The following ABCG4 variants were observed in gnomAD, a reference collection of about 807,000 sequenced individuals.
ABCG4 encodes the protein ATP binding cassette subfamily G member 4.
A neutral mutation model predicts 64.6 loss-of-function variants in ABCG4; 35 were observed. The ratio of observed to expected loss-of-function variants is 0.54; its 90% CI spans 0.41 to 0.72. The LOEUF is 0.72. Ranked by LOEUF, ABCG4 falls within the 30% of genes least tolerant of loss-of-function variation. The probability of loss-of-function intolerance (pLI) is 0.00; values close to 1 mark genes in which losing one functional copy is unlikely to be tolerated. For synonymous variants in ABCG4, 326 were observed against 348.2 expected (o/e 0.94, Z 0.71); for missense variants, 610 against 846.3 (o/e 0.72, Z 3.46).
chr11:119,158,886 A>T lies in ABCG4; in HGVS notation c.1394A>T (p.Lys465Ile). 1 of 1,614,166 alleles carries T rather than the reference A, an allele frequency of 6.2e-7. No homozygotes were observed. Among genetic ancestry groups the T allele is most frequent in the Non-Finnish European group, 8.5e-7 (1 of 1,180,032 alleles). Residue 465 changes from lysine to isoleucine, a missense_variant, in exon 12 of 15, where the codon AAA (lysine) becomes ATA (isoleucine). Physicochemically the swap from Lys to Ile is moderately radical, Grantham distance 102. Transcript: ENST00000619701. The surrounding 1 kb of genome is among the most constrained non-coding windows in gnomAD (Gnocchi z 4.5). ...CACCTCAACTACTGGTACAGCCTCA[A>T]AGCGTATTACCTGGCCAAGACCATG... ...REHLNYWYSL[K>I]AYYLAKTMAD...
At chr11:119,157,672 C>A (rs1948283430) in intron 9 of ABCG4, among the ~76,000 whole-genome samples, 1 of 152,182 alleles carries the variant, frequency 6.6e-6, no homozygotes, top group African/African-American at 2.4e-5. Context: ...TGGAGACCAT[C>A]CTGGCTAACA....
chr11:119,156,344 C>T lies in ABCG4; in HGVS notation c.702C>T (p.Ala234=). ...FDEPTSGLDS[A]SCFQVVSLMK... is the part of the protein sequence containing the mutation. ...CTCTGGACAGTGGTCTGGATAGCGC[C>T]TCTTGTTTCCAAGTGGTGTCCCTCA... The change falls in exon 7 of 15, where the codon GCC becomes GCT. Residue 234 remains alanine (A), a synonymous_variant. Coordinates refer to ENST00000619701, the MANE Select transcript of ABCG4 (RefSeq NM_022169.5). This position sits in a 1 kb window ranked among gnomAD's most constrained non-coding sequence, Gnocchi z 5.5. The T allele has an allele frequency of 6.2e-7, 1 of 1,614,208 alleles. No individual in the cohort carries two copies. Among genetic ancestry groups the T allele is most frequent in the African/African-American group, 1.3e-5 (1 of 75,044 alleles).
At position 119,156,197 on chromosome 11, in the gene ABCG4, G is replaced by A. The variant is rs145389543; in HGVS notation, c.687-132G>A. ...CCCTCCAAGTGCCTGAACCGTAAAG[G>A]ATACAGATGCGGCCAGAGTGCCCTC... On this transcript the variant is annotated intron_variant, in intron 6 of 14. Transcript: ENST00000619701. The surrounding 1 kb of genome is among the most constrained non-coding windows in gnomAD (Gnocchi z 5.5). 25 of 1,240,324 alleles carry A rather than the reference G, an allele frequency of 2.0e-5. No homozygotes were observed. The East Asian group carries it at 5.4e-4, about 27-fold the overall frequency. The allele number at this position is 1,240,324 out of a possible 1,614,324, so 76.8% of individuals were successfully genotyped here.
chr11:119,160,707 C>A lies in ABCG4; in HGVS notation c.1715+51C>A, dbSNP rs1413102864. 7 of 1,547,302 alleles carry A rather than the reference C, an allele frequency of 4.5e-6. No individual in the cohort carries two copies. The African/African-American group carries it at 9.5e-5, about 21-fold the overall frequency. On this transcript the variant is annotated intron_variant, in intron 14 of 14. Transcript: ENST00000619701. This position sits in a 1 kb window ranked among gnomAD's most constrained non-coding sequence, Gnocchi z 4.6. ...GCCTCTGCTCCTCCCTGGAGGAGTC[C>A]ATACCCAGGGCTTCCTGGGTTGTGC...
chr11:119,160,304 C>T lies in ABCG4; in HGVS notation c.1515C>T (p.Leu505=), dbSNP rs148176280. The change falls in exon 13 of 15, where the codon CTC becomes CTT. Residue 505 remains leucine (L), a synonymous_variant. Transcript: ENST00000619701. This position sits in a 1 kb window ranked among gnomAD's most constrained non-coding sequence, Gnocchi z 4.6. The part of the protein sequence containing the change: ...GQPAETSRFL[L]FSALATATAL... The stretch of plus-strand genomic sequence containing the variant: ...CCGCTGAGACCAGCCGCTTCCTGCT[C>T]TTCTCAGCCCTGGCCACCGCCACCG... The T allele has an allele frequency of 1.9e-6, 3 of 1,613,882 alleles. No individual in the cohort carries two copies. Among genetic ancestry groups the T allele is most frequent in the Non-Finnish European group, 2.5e-6 (3 of 1,179,820 alleles).
chr11:119,159,087 G>A (rs1948309848), intron 12 of ABCG4, among the ~76,000 whole-genome samples, 158 bp downstream of exon 12: 1 of 152,208 alleles, frequency 6.6e-6, no homozygotes, highest in African/African-American at 2.4e-5. Flanking sequence ...CCCAGGCTCT[G>A]TACCAGGCCC....
Position 119,149,866 on chromosome 11 carries a change from G to T in ABCG4, c.-12-88G>T. On this transcript the variant is annotated intron_variant, in intron 1 of 14. Transcript: ENST00000619701. The surrounding 1 kb of genome is among the most constrained non-coding windows in gnomAD (Gnocchi z 8.3). The stretch of plus-strand genomic sequence containing the variant: ...ATCTGCCCCGAGAAGGAGGTGGGCA[G>T]TGGGGGCGGGGGAAGCATTAGAACG... The T allele has an allele frequency of 1.3e-6, 2 of 1,488,306 alleles. No homozygotes were observed. Among genetic ancestry groups the T allele is most frequent in the Non-Finnish European group, 1.8e-6 (2 of 1,122,594 alleles). The allele number at this position is 1,488,306 out of a possible 1,614,324, so 92.2% of individuals were successfully genotyped here.
chr11:119,160,496 G>C lies in ABCG4; in HGVS notation c.1597-42G>C, dbSNP rs1036209406. On this transcript the variant is annotated intron_variant, in intron 13 of 14. Transcript: ENST00000619701. The surrounding 1 kb of genome is among the most constrained non-coding windows in gnomAD (Gnocchi z 4.6). ...GCTCTAGGAAACCTGGGTTTGTCCTGGTCACCCCTATGATGGCCTGGCCCC... is the reference window on the plus strand; with the variant it reads ...GCTCTAGGAAACCTGGGTTTGTCCTCGTCACCCCTATGATGGCCTGGCCCC... 4.4e-6 allele frequency: 7 copies of C among 1,608,230 alleles called. No homozygotes were observed. In the South Asian group the frequency reaches 7.7e-5, roughly 18 times the overall value.
At position 119,150,409 on chromosome 11, in the gene ABCG4, T is replaced by C. The variant is rs1948180539; in HGVS notation, c.238+206T>C. Among the ~76,000 whole-genome samples the C allele has an allele frequency of 6.6e-6, 1 of 152,174 alleles. No individual in the cohort carries two copies. The highest frequency in any genetic ancestry group is 1.5e-5 in the Non-Finnish European group (1 of 68,008). ...CCCCACACCTGTGAGCACCATGGGA[T>C]ACTAGGTGCAATTGGTTATTGAAGC... On this transcript the variant is annotated intron_variant, in intron 2 of 14. Transcript: ENST00000619701. The surrounding 1 kb of genome is among the most constrained non-coding windows in gnomAD (Gnocchi z 4.3).
chr11:119,154,723 G>A lies in ABCG4; in HGVS notation c.541-47G>A. Reference sequence around the variant, plus strand: ...TTTGAAGCTGGGGTGGTGCCTGGGGGAAGCAGAGACTCCGAAGCTGACCTG... The same window carrying A: ...TTTGAAGCTGGGGTGGTGCCTGGGGAAAGCAGAGACTCCGAAGCTGACCTG... On this transcript the variant is annotated intron_variant, in intron 5 of 14. Coordinates refer to ENST00000619701, the MANE Select transcript of ABCG4 (RefSeq NM_022169.5). This position sits in a 1 kb window ranked among gnomAD's most constrained non-coding sequence, Gnocchi z 7.0. The A allele has an allele frequency of 6.3e-7, 1 of 1,592,716 alleles. No homozygotes were observed. The highest frequency in any genetic ancestry group is 1.3e-5 in the African/African-American group (1 of 74,646).
At position 119,160,403 on chromosome 11, in the gene ABCG4, T is replaced by A. The variant is rs779570245; in HGVS notation, c.1596+18T>A. 1 of 1,603,840 alleles carries A rather than the reference T, an allele frequency of 6.2e-7. No homozygotes were observed. The highest frequency in any genetic ancestry group is 8.5e-7 in the Non-Finnish European group (1 of 1,171,926). On this transcript the variant is annotated intron_variant, in intron 13 of 14. Coordinates refer to ENST00000619701, the MANE Select transcript of ABCG4 (RefSeq NM_022169.5). The surrounding 1 kb of genome is among the most constrained non-coding windows in gnomAD (Gnocchi z 4.6). ...CCCTACAGGTGGGAGGGCTGGCAGT[T>A]GGGAATTCCCAAGGCGGGATGAGGT...
In ABCG4 at chr11:119,155,038, G is replaced by A; in HGVS notation, c.686+123G>A. 7.3e-7 allele frequency: 1 copy of A among 1,378,110 alleles called. No homozygotes were observed. The highest frequency in any genetic ancestry group is 9.8e-7 in the Non-Finnish European group (1 of 1,016,034). 85.4% of individuals were successfully genotyped at this position (1,378,110 alleles called of 1,614,324 possible). On this transcript the variant is annotated intron_variant, in intron 6 of 14. Coordinates refer to ENST00000619701, the MANE Select transcript of ABCG4 (RefSeq NM_022169.5). This position sits in a 1 kb window ranked among gnomAD's most constrained non-coding sequence, Gnocchi z 4.5. ...TCACAGCCTCCTGGGGCCAAGATAA[G>A]GGCTTCTTCCTCATCTCCACCCTTG...
rs1948271260 is a variant in ABCG4 at position 119,156,763 on chromosome 11, G to T, written c.925+85G>T. On this transcript the variant is annotated intron_variant, in intron 8 of 14. Coordinates refer to ENST00000619701, the MANE Select transcript of ABCG4 (RefSeq NM_022169.5). This position sits in a 1 kb window ranked among gnomAD's most constrained non-coding sequence, Gnocchi z 5.5. ...TGGTCTTGCACTCAGGCCTCCTAGG[G>T]GTAGAGATCTCACCGTCGCCTGCCT... 2 of 1,589,880 alleles carry T rather than the reference G, an allele frequency of 1.3e-6. No homozygotes were observed. The highest frequency in any genetic ancestry group is 1.7e-6 in the Non-Finnish European group (2 of 1,159,880).
chr11:119,150,332 G>T lies in ABCG4; in HGVS notation c.238+129G>T. 2 of 1,342,936 alleles carry T rather than the reference G, an allele frequency of 1.5e-6. No homozygotes were observed. Among genetic ancestry groups the T allele is most frequent in the South Asian group, 1.4e-5 (1 of 72,102 alleles). The allele number at this position is 1,342,936 out of a possible 1,614,324, so 83.2% of individuals were successfully genotyped here. ...GGCTCTGTGGAAACACTAAAATCTG[G>T]GCCCCAGCCCGTTGCTCACTGTGCA... On this transcript the variant is annotated intron_variant, in intron 2 of 14. Transcript: ENST00000619701. The surrounding 1 kb of genome is among the most constrained non-coding windows in gnomAD (Gnocchi z 4.3).
Position 119,150,916 on chromosome 11 carries a change from A to G in ABCG4, c.238+713A>G, listed in dbSNP as rs574187707. ...TGCAGCCCCTACCCTGAGCAGCTTT[A>G]GCTGCTAGTAGGGAAGCTGAGGCTG... On this transcript the variant is annotated intron_variant, in intron 2 of 14. Transcript: ENST00000619701. This position sits in a 1 kb window ranked among gnomAD's most constrained non-coding sequence, Gnocchi z 4.3. 2.0e-5 allele frequency among the ~76,000 whole-genome samples: 3 copies of G among 152,330 alleles called. No individual in the cohort carries two copies. Among genetic ancestry groups the G allele is most frequent in the Non-Finnish European group, 4.4e-5 (3 of 68,030 alleles).
rs376368836 is a variant in ABCG4 at position 119,156,561 on chromosome 11, C to T, written c.811-3C>T. Reference sequence around the variant, plus strand: ...CTTCCTTACCCTTCTCTTTCTGCTGCAGCTCTACATCCTGAGCCAGGGTCA... The same window carrying T: ...CTTCCTTACCCTTCTCTTTCTGCTGTAGCTCTACATCCTGAGCCAGGGTCA... On this transcript the variant is annotated splice_polypyrimidine_tract_variant and splice_region_variant and intron_variant, in intron 7 of 14. Transcript: ENST00000619701. The surrounding 1 kb of genome is among the most constrained non-coding windows in gnomAD (Gnocchi z 5.5). 5.3e-5 allele frequency: 86 copies of T among 1,614,146 alleles called. No homozygotes were observed. In the African/African-American group the frequency reaches 1.1e-3, roughly 20 times the overall value.
chr11:119,154,814 C>A lies in ABCG4; in HGVS notation c.585C>A (p.His195Gln). The A allele has an allele frequency of 6.2e-7, 1 of 1,613,848 alleles. No individual in the cohort carries two copies. The highest frequency in any genetic ancestry group is 1.7e-5 in the Admixed American group (1 of 60,024). ...LTALGLMSCS[H>Q]TRTALLSGGQ... Reference sequence around the variant, plus strand: ...CACTGGGCCTGATGTCGTGCTCCCACACGAGGACAGCCCTGCTCTCTGGCG... The same window carrying A: ...CACTGGGCCTGATGTCGTGCTCCCAAACGAGGACAGCCCTGCTCTCTGGCG... The change falls in exon 6 of 15, where the codon CAC (histidine) becomes CAA (glutamine). Residue 195 changes from histidine to glutamine, a missense_variant. Physicochemically the swap from His to Gln is conservative, Grantham distance 24. Transcript: ENST00000619701. The surrounding 1 kb of genome is among the most constrained non-coding windows in gnomAD (Gnocchi z 7.0).
In ABCG4 at chr11:119,154,410, A is replaced by G. The variant is rs751783629; in HGVS notation, c.489+18A>G. On this transcript the variant is annotated intron_variant, in intron 4 of 14. Coordinates refer to ENST00000619701, the MANE Select transcript of ABCG4 (RefSeq NM_022169.5). This position sits in a 1 kb window ranked among gnomAD's most constrained non-coding sequence, Gnocchi z 7.0. The stretch of plus-strand genomic sequence containing the variant: ...CCATGATGGTGAGGGCTGGATAGTC[A>G]CCCCTCCTCCCAGCAACCCCCTCTG... 6.2e-7 allele frequency: 1 copy of G among 1,613,784 alleles called. No individual in the cohort carries two copies. Among genetic ancestry groups the G allele is most frequent in the Admixed American group, 1.7e-5 (1 of 59,974 alleles).
In ABCG4 at chr11:119,156,541, T is replaced by C. The variant is rs776518922; in HGVS notation, c.811-23T>C. The C allele has an allele frequency of 6.2e-7, 1 of 1,614,084 alleles. No individual in the cohort carries two copies. Among genetic ancestry groups the C allele is most frequent in the East Asian group, 2.2e-5 (1 of 44,876 alleles). On this transcript the variant is annotated intron_variant, in intron 7 of 14. Coordinates refer to ENST00000619701, the MANE Select transcript of ABCG4 (RefSeq NM_022169.5). The surrounding 1 kb of genome is among the most constrained non-coding windows in gnomAD (Gnocchi z 5.5). ...GGGTGCCTGGCCCGCTGTTCCTTCCTTACCCTTCTCTTTCTGCTGCAGCTC... is the reference window on the plus strand; with the variant it reads ...GGGTGCCTGGCCCGCTGTTCCTTCCCTACCCTTCTCTTTCTGCTGCAGCTC...
Sources: gnomAD v4.1 joint callset for allele counts (sites outside exome capture counted in the v4.1 genomes callset) on GRCh38, gnomAD v4.1.1 for gene constraint, Gnocchi (gnomAD v3.1) non-coding constraint, MANE v1.5 for transcripts, NCBI Gene and HGNC (gene_info 2026-07-23, HGNC 2026-07-21) for gene names.